CEP41: variants seen among roughly 807,000 people sequenced by gnomAD.
The protein encoded by CEP41 is centrosomal protein of 41 kDa.
In CEP41, 32 loss-of-function variants were observed where a neutral mutation model predicts 44.3. The ratio of observed to expected loss-of-function variants is 0.72; its 90% CI spans 0.54 to 0.97. The LOEUF is 0.97. Ranked by LOEUF, CEP41 falls within the 50% of genes least tolerant of loss-of-function variation. The pLI is 0.00. For missense variants in CEP41, 432 were observed against 455.2 expected, an observed-to-expected ratio of 0.95 and a Z score of 0.46; for synonymous variants, 151 against 168.5, an observed-to-expected ratio of 0.90 and a Z score of 0.80.
At chr7:130,399,542 G>T (rs1451820899) in intron 10 of CEP41, 1 of 213,864 alleles carries the variant, frequency 4.7e-6, no homozygotes, top group Admixed American at 5.3e-5. Context: ...TTTTGCCTGG[G>T]CGTGGTGGCT....
Position 130,402,630 on chromosome 7 carries a change from A to C in CEP41, c.574+18T>G. 1 of 1,613,944 alleles carries C rather than the reference A, an allele frequency of 6.2e-7. No individual in the cohort carries two copies. Among genetic ancestry groups the C allele is most frequent in the South Asian group, 1.1e-5 (1 of 91,072 alleles). ...CTGTTCTTGAGAGTGAGGCACTTTA[A>C]AGCCTTCTCTCTCTTACCTCCAACA... On this transcript the variant is annotated intron_variant, in intron 7 of 10. Coordinates refer to ENST00000223208, the MANE Select transcript of CEP41 (RefSeq NM_018718.3).
chr7:130,433,981 G>A (rs1797894374), intron 1 of CEP41, among the ~76,000 whole-genome samples: 1 of 152,172 alleles, frequency 6.6e-6, no homozygotes, highest in Non-Finnish European at 1.5e-5. Context: ...ATCCACTGGG[G>A]GTGATAAGAA....
chr7:130,433,329 G>GAA (rs35353510), intron 1 of CEP41, among the ~76,000 whole-genome samples: 1 of 133,762 alleles, frequency 7.5e-6, no homozygotes, highest in Non-Finnish European at 1.6e-5. Context: ...ATTTTGTTTT[G>GAA]AAAAAAAAAA....
rs782795387 is a variant in CEP41 at position 130,411,193 on chromosome 7, T to C, written c.208-2A>G. On this transcript the variant is annotated splice_acceptor_variant, in intron 4 of 10. Transcript: ENST00000223208. LOFTEE classifies it high-confidence loss of function. ...AGAGAGGGAAGCAACTTGGATGATC[T>C]GATAGAAAAAAGAATGAAATGTGTG... 6.2e-7 allele frequency: 1 copy of C among 1,612,528 alleles called. No homozygotes were observed. The highest frequency in any genetic ancestry group is 8.5e-7 in the Non-Finnish European group (1 of 1,178,522).
intron 2 of CEP41, chr7:130,420,771 CAATAAATA>C (rs544057989): frequency 5.7e-6 from 3 of 523,086 alleles, no homozygotes; most frequent in African/African-American, 4.2e-5. Flanking sequence ...GACTTCATCT[CAATAAATA>C]AATAAATAAA....
At chr7:130,441,142 G>A (rs782164059), upstream of CEP41, 6 of 737,214 alleles carry the variant, frequency 8.1e-6, no homozygotes, top group Admixed American at 2.0e-5. Flanking sequence ...GGTCGCAGAA[G>A]GGCAAGACGC....
Position 130,400,214 on chromosome 7 carries a change from A to C in CEP41, c.798T>G (p.Ile266Met), listed in dbSNP as rs2117552869. ...GGCAAGATGCTGGCAGGGAACCAGT[A>C]ATCAGTCCTTCCGGGAATTTCTGAG... ...VLAQKFPEGL[I>M]TGSLPASCQQ... is the part of the protein sequence containing the mutation. Residue 266 changes from isoleucine to methionine, a missense_variant, in exon 10 of 11, where the codon ATT becomes ATG. Transcript: ENST00000223208. 1.2e-6 allele frequency: 2 copies of C among 1,613,948 alleles called. No homozygotes were observed. Among genetic ancestry groups the C allele is most frequent in the Non-Finnish European group, 1.7e-6 (2 of 1,179,896 alleles).
chr7:130,413,024 C>T (rs1797229799), intron 3 of CEP41, among the ~76,000 whole-genome samples: 2 of 152,202 alleles, frequency 1.3e-5, no homozygotes, highest in African/African-American at 4.8e-5. Flanking sequence ...ATTTTTATTT[C>T]TCTGTCGCCC....
intron 2 of CEP41, chr7:130,421,919 A>C (rs1797520888): frequency 6.5e-7 from 1 of 1,534,630 alleles, no homozygotes; most frequent in Non-Finnish European, 8.7e-7. Flanking sequence ...GTGACTGAAC[A>C]AAACGCAGCC....
chr7:130,406,819 T>C (rs1313039217), intron 5 of CEP41, among the ~76,000 whole-genome samples: 1 of 149,546 alleles, frequency 6.7e-6, no homozygotes, highest in Non-Finnish European at 1.5e-5. Context: ...AAATATACTC[T>C]CCGGTGGGGG....
chr7:130,422,444 A>C (rs1797536829), intron 2 of CEP41, among the ~76,000 whole-genome samples: 1 of 152,134 alleles, frequency 6.6e-6, no homozygotes, highest in African/African-American at 2.4e-5. Flanking sequence ...TACACATACA[A>C]TGATAAAATG....
At chr7:130,428,067 G>A (rs782424641) in intron 1 of CEP41, 49 bp from the exon 2 acceptor site, 21 of 1,261,166 alleles carry the variant, frequency 1.7e-5, no homozygotes, top group Middle Eastern at 3.8e-4. Context: ...TAAGGATAAC[G>A]ATAAGGTAAA....
At chr7:130,439,233 T>C (rs1798066591) in intron 1 of CEP41, among the ~76,000 whole-genome samples, 1 of 152,202 alleles carries the variant, frequency 6.6e-6, no homozygotes, top group Admixed American at 6.5e-5. Flanking sequence ...TAATAATCTT[T>C]CCTCCAGCTT....
Position 130,419,094 on chromosome 7 carries a change from TCAC to T in CEP41, c.98-2131_98-2129del. 3.0e-6 allele frequency: 3 copies of T among 985,408 alleles called. No individual in the cohort carries two copies. In the South Asian group the frequency reaches 1.4e-4, roughly 46 times the overall value. The allele number at this position is 985,408 out of a possible 1,614,324, so 61.0% of individuals were successfully genotyped here. ...CACTTTATTTTGTATCAGCTGACCC[TCAC>T]CACAATGCAGGGAGGTAGGCCATCA... On this transcript the variant is annotated intron_variant, in intron 2 of 10. Coordinates refer to ENST00000223208, the MANE Select transcript of CEP41 (RefSeq NM_018718.3).
chr7:130,433,865 G>A (rs1268838485), intron 1 of CEP41, among the ~76,000 whole-genome samples: 3 of 152,200 alleles, frequency 2.0e-5, no homozygotes, highest in African/African-American at 7.2e-5. Context: ...AGAGCAACAA[G>A]TACCTGCCAA....
intron 10 of CEP41, chr7:130,399,409 C>T (rs781867181): frequency 1.4e-5 from 4 of 283,062 alleles, no homozygotes; most frequent in Non-Finnish European, 2.7e-5. Context: ...ACCACAGAGG[C>T]TCTCAGAGTG....
chr7:130,398,546 G>C lies in CEP41; in HGVS notation c.*345C>G, dbSNP rs1208485870. On this transcript the variant is annotated 3_prime_UTR_variant, in exon 11 of 11. Transcript: ENST00000223208. ...TGAAGTATTTACAAAACAACACAGA[G>C]AGACCCAACAAGCTGGACCTTATTA... 4.3e-6 allele frequency: 2 copies of C among 469,864 alleles called. No individual in the cohort carries two copies. Among genetic ancestry groups the C allele is most frequent in the African/African-American group, 4.0e-5 (2 of 50,600 alleles). The allele number at this position is 469,864 out of a possible 1,614,324, so 29.1% of individuals were successfully genotyped here.
chr7:130,395,881 A>T lies in CEP41; in HGVS notation c.*3010T>A, dbSNP rs1554414264. 1 of 137,396 alleles carries T rather than the reference A, an allele frequency of 7.3e-6. No homozygotes were observed. Among genetic ancestry groups the T allele is most frequent in the Non-Finnish European group, 1.6e-5 (1 of 62,222 alleles). The allele number at this position is 137,396 out of a possible 1,614,324, so 8.5% of individuals were successfully genotyped here. A position where few individuals can be genotyped will look rare whatever the true frequency, so the allele number is the denominator to read the frequency against. On this transcript the variant is annotated 3_prime_UTR_variant, in exon 11 of 11. Coordinates refer to ENST00000223208, the MANE Select transcript of CEP41 (RefSeq NM_018718.3). ...TGGTCCTGGCTAACCACTAAAGGTT[A>T]AAAAAAAAAAAAAAGATAAAAGATA...
At chr7:130,406,404 C>T (rs1167895352) in intron 5 of CEP41, among the ~76,000 whole-genome samples, 3 of 151,824 alleles carry the variant, frequency 2.0e-5, no homozygotes, top group East Asian at 1.9e-4. Context: ...GCCAACATAG[C>T]GAAACCCCAT....
Sources: allele counts gnomAD v4.1 joint callset (sites outside exome capture counted in the v4.1 genomes callset), GRCh38; gene constraint gnomAD v4.1.1; transcripts MANE v1.5; gene names NCBI Gene and HGNC (gene_info 2026-07-23, HGNC 2026-07-21).